Variants in COL28A1 observed in about 807,000 individuals in gnomAD.
COL28A1 encodes the protein collagen type XXVIII alpha 1 chain.
COL28A1 carries 161 observed loss-of-function variants against 150.2 expected under a neutral mutation model. The ratio of observed to expected loss-of-function variants is 1.07; its 90% confidence interval spans 0.94 to 1.22. The LOEUF is 1.22. Among genes scored for constraint, COL28A1 ranks in the 50% most tolerant of loss-of-function variants. COL28A1 has a pLI of 0.00. For synonymous variants in COL28A1, 552 were observed against 469.7 expected (o/e 1.18, Z -2.26); for missense variants, 1,617 against 1,388.3 (o/e 1.16, Z -2.62).
At chr7:7,399,506 G>A (rs1783042364) in intron 27 of COL28A1, among the ~76,000 whole-genome samples, 1 of 152,170 alleles carries the variant, frequency 6.6e-6, no homozygotes, top group African/African-American at 2.4e-5. Context: ...GGTAATGGAT[G>A]TGGAGGTTGG....
At chr7:7,515,127 C>T (rs1246783638) in intron 8 of COL28A1, among the ~76,000 whole-genome samples, 1 of 152,168 alleles carries the variant, frequency 6.6e-6, no homozygotes, top group Non-Finnish European at 1.5e-5. Context: ...ATGATAGGTG[C>T]ATGTTCTGAT....
At chr7:7,398,483 T>C (rs114396280) in intron 27 of COL28A1, among the ~76,000 whole-genome samples, 1 of 152,192 alleles carries the variant, frequency 6.6e-6, no homozygotes, top group African/African-American at 2.4e-5. Context: ...GCTCACAATT[T>C]TGATTTTCTA....
At chr7:7,481,537 A>C (rs144789023) in intron 13 of COL28A1, among the ~76,000 whole-genome samples, 1 of 152,242 alleles carries the variant, frequency 6.6e-6, no homozygotes, top group African/African-American at 2.4e-5. Flanking sequence ...TTCTAAGGCC[A>C]TGAGAACCAA....
intron 11 of COL28A1, among the ~76,000 whole-genome samples, chr7:7,505,633 A>C (rs1275549868): frequency 6.6e-6 from 1 of 152,166 alleles, no homozygotes; most frequent in African/African-American, 2.4e-5. Context: ...TCCTTCCCCT[A>C]TAAAGTGTAT....
intron 27 of COL28A1, among the ~76,000 whole-genome samples, chr7:7,401,924 C>A (rs998726152): frequency 1.3e-5 from 2 of 152,120 alleles, no homozygotes; most frequent in Non-Finnish European, 2.9e-5. Context: ...TGAGAACCCC[C>A]AAAATTTATT....
intron 27 of COL28A1, among the ~76,000 whole-genome samples, chr7:7,410,226 T>C (rs1284124198): frequency 2.6e-5 from 4 of 152,190 alleles, no homozygotes; most frequent in African/African-American, 9.6e-5. Flanking sequence ...TTTTGGTTTA[T>C]AACCCAGGTA....
rs775339499 is a variant in COL28A1, at chr7:7,437,384, G to C, written c.1791+10C>G. 3.7e-6 allele frequency: 6 copies of C among 1,605,126 alleles called. No homozygotes were observed. The highest frequency in any genetic ancestry group is 2.2e-5 in the East Asian group (1 of 44,770). ...TCAAGAAAAAGAAAATAATCTCCAAGAATATATACCTTTGGCCCAGGTGGT... is the reference window on the plus strand; with the variant it reads ...TCAAGAAAAAGAAAATAATCTCCAACAATATATACCTTTGGCCCAGGTGGT... On this transcript the variant is annotated intron_variant, in intron 22 of 34. Coordinates refer to ENST00000399429, the MANE Select transcript of COL28A1 (RefSeq NM_001037763.3).
intron 27 of COL28A1, among the ~76,000 whole-genome samples, chr7:7,411,084 T>A (rs1184843024): frequency 6.6e-6 from 1 of 152,154 alleles, no homozygotes; most frequent in African/African-American, 2.4e-5. Flanking sequence ...AGGCTCCATG[T>A]GAGATTTCCA....
intron 27 of COL28A1, among the ~76,000 whole-genome samples, chr7:7,411,846 G>A (rs1783806394): frequency 6.6e-6 from 1 of 152,198 alleles, no homozygotes; most frequent in African/African-American, 2.4e-5. Flanking sequence ...GCTAAACCCA[G>A]TCCTTATAAG....
chr7:7,386,549 G>A (rs930423046), intron 27 of COL28A1, among the ~76,000 whole-genome samples: 4 of 152,204 alleles, frequency 2.6e-5, no homozygotes, highest in Non-Finnish European at 2.9e-5. Flanking sequence ...CCTGGTGGAG[G>A]TGCCACATGT....
chr7:7,496,219 T>A (rs561406678), intron 11 of COL28A1, among the ~76,000 whole-genome samples: 2 of 152,362 alleles, frequency 1.3e-5, no homozygotes, highest in African/African-American at 4.8e-5. Context: ...ATGTTCTCCA[T>A]CTCCTCCCCA....
At chr7:7,420,153 A>G (rs1350076562) in intron 25 of COL28A1, 200 bp from the exon 26 acceptor site, 3 of 368,942 alleles carry the variant, frequency 8.1e-6, no homozygotes, top group Admixed American at 4.4e-5. Flanking sequence ...TAATCAAGTC[A>G]ATTAACTTCT....
intron 30 of COL28A1, among the ~76,000 whole-genome samples, chr7:7,378,063 C>A (rs73040633): frequency 6.6e-6 from 1 of 151,968 alleles, no homozygotes; most frequent in Non-Finnish European, 1.5e-5. Context: ...GAGTCTCATA[C>A]GTCTATAAGA....
intron 30 of COL28A1, 151 bp from the exon 31 acceptor site, chr7:7,375,648 G>A (rs1416708377): frequency 6.6e-6 from 3 of 456,698 alleles, no homozygotes; most frequent in African/African-American, 6.0e-5. Flanking sequence ...GAAGTCAAAA[G>A]CTGACTATAA....
At chr7:7,365,687 G>A (rs953968996) in intron 33 of COL28A1, among the ~76,000 whole-genome samples, 4 of 152,160 alleles carry the variant, frequency 2.6e-5, no homozygotes, top group Non-Finnish European at 4.4e-5. Flanking sequence ...GTCTGCTCTG[G>A]ATGAATGCTA....
the COL28A1 span, among the ~76,000 whole-genome samples, chr7:7,350,638 G>GT: frequency 7.5e-6 from 1 of 132,842 alleles, no homozygotes; most frequent in Non-Finnish European, 1.6e-5. Flanking sequence ...GAGATGTTCT[G>GT]TTTTTTGTTT....
intron 33 of COL28A1, 36 bp from the exon 34 acceptor site, chr7:7,360,564 A>G (rs200853881): frequency 6.8e-5 from 106 of 1,569,344 alleles, no homozygotes; most frequent in Non-Finnish European, 8.4e-5. Context: ...GTTTCTGATA[A>G]TATCAAGTAA....
intron 13 of COL28A1, among the ~76,000 whole-genome samples, chr7:7,477,757 G>A (rs892460887): frequency 6.6e-6 from 1 of 152,158 alleles, no homozygotes; most frequent in Admixed American, 6.5e-5. Flanking sequence ...AAAGAACAAA[G>A]CTTCCACGGT....
chr7:7,351,066 C>T, the COL28A1 span, among the ~76,000 whole-genome samples: 3 of 152,056 alleles, frequency 2.0e-5, no homozygotes, highest in African/African-American at 7.2e-5. Flanking sequence ...TACTGCCAAA[C>T]TAGAGGGATA....
Sources: allele counts gnomAD v4.1 joint callset (sites outside exome capture counted in the v4.1 genomes callset), GRCh38; gene constraint gnomAD v4.1.1; transcripts MANE v1.5; gene names NCBI Gene and HGNC (gene_info 2026-07-23, HGNC 2026-07-21).